Variants in PPP2R2B observed in about 807,000 individuals in gnomAD.
PPP2R2B encodes serine/threonine-protein phosphatase 2A 55 kDa regulatory subunit B beta isoform.
PPP2R2B carries 5 observed loss-of-function variants against 46.0 expected under a neutral mutation model. That is an observed-to-expected ratio of 0.11 (90% CI 0.06 to 0.23). The LOEUF (loss-of-function observed/expected upper bound fraction) is 0.23. Among genes scored for constraint, PPP2R2B ranks in the 10% least tolerant of loss-of-function variants. PPP2R2B has a pLI of 1.00. For missense variants in PPP2R2B, 367 were observed against 575.0 expected (o/e 0.64, Z 3.70); for synonymous variants, 215 against 206.7 (o/e 1.04, Z -0.34).
At chr5:146,788,485 G>A (rs1243028001) in intron 2 of PPP2R2B, among the ~76,000 whole-genome samples, 3 of 152,008 alleles carry the variant, frequency 2.0e-5, no homozygotes, top group African/African-American at 4.8e-5. Flanking sequence ...CTCCCAGCAC[G>A]TTTGGGAGGC....
intron 7 of PPP2R2B, among the ~76,000 whole-genome samples, chr5:146,621,054 G>A (rs1418400234): frequency 6.6e-6 from 1 of 152,222 alleles, no homozygotes; most frequent in Non-Finnish European, 1.5e-5. Flanking sequence ...AGAGCAAGGT[G>A]AGCAGTTCAC....
At chr5:146,856,578 T>C in intron 2 of PPP2R2B, 1 of 1,611,336 alleles carries the variant, frequency 6.2e-7, no homozygotes. Flanking sequence ...GGTTCTCCCT[T>C]GGCTCCTGTG....
intron 1 of PPP2R2B, among the ~76,000 whole-genome samples, chr5:146,935,944 A>G (rs942228598): frequency 1.3e-5 from 2 of 152,166 alleles, no homozygotes; most frequent in South Asian, 2.1e-4. Context: ...CCTTATCTAT[A>G]TAATGGGGAA....
intron 2 of PPP2R2B, among the ~76,000 whole-genome samples, chr5:146,827,170 C>A (rs574346042): frequency 1.1e-4 from 17 of 152,104 alleles, no homozygotes; most frequent in African/African-American, 4.1e-4. Context: ...CTTGGAATAA[C>A]TACAGTAATA....
At chr5:146,758,331 G>T (rs1753960595) in intron 2 of PPP2R2B, among the ~76,000 whole-genome samples, 1 of 152,140 alleles carries the variant, frequency 6.6e-6, no homozygotes, top group Non-Finnish European at 1.5e-5. Context: ...ACAGCTTTGT[G>T]ATCTGGGGCA....
rs1466998445 is a variant in PPP2R2B at position 146,823,076 on chromosome 5, A to C, written c.70+54926T>G. On this transcript the variant is annotated intron_variant, in intron 2 of 9. Transcript: ENST00000394411. ...CCCTCCATGTGAACCAAAAGGTTAC[A>C]CATGCTTCTTCTCCAGTTTGGAGCT... is the stretch of plus-strand genomic sequence containing the variant. Among the ~76,000 whole-genome samples the C allele has an allele frequency of 3.3e-5, 5 of 152,326 alleles. No individual in the cohort carries two copies. The East Asian group carries it at 9.7e-4, about 29-fold the overall frequency.
intron 5 of PPP2R2B, among the ~76,000 whole-genome samples, chr5:146,674,332 C>T (rs322989): frequency 6.6e-6 from 1 of 152,080 alleles, no homozygotes; most frequent in Admixed American, 6.6e-5. Context: ...CACTCTAAAG[C>T]CCTAGACTCT....
At chr5:146,960,500 G>T (rs974216069) in intron 1 of PPP2R2B, among the ~76,000 whole-genome samples, 1 of 152,112 alleles carries the variant, frequency 6.6e-6, no homozygotes, top group South Asian at 2.1e-4. Context: ...ATGTTGGTCA[G>T]GCTGGTCTCA....
At position 146,957,920 on chromosome 5, in the gene PPP2R2B, A is replaced by G. The variant is rs147063764; in HGVS notation, c.79+97745T>C. Among the ~76,000 whole-genome samples the G allele has an allele frequency of 2.0e-5, 3 of 152,266 alleles. No homozygotes were observed. In the East Asian group the frequency reaches 5.8e-4, roughly 29 times the overall value. On this transcript the variant is annotated intron_variant, in intron 1 of 8. Coordinates refer to the PPP2R2B transcript ENST00000336640. ...AATCCTGGAGGAAGAAAATACTATA[A>G]TTACAGCCTATGGTGTTGGCTGCAT... is the stretch of plus-strand genomic sequence containing the variant.
At chr5:146,663,329 GA>G in intron 5 of PPP2R2B, among the ~76,000 whole-genome samples, 1 of 152,260 alleles carries the variant, frequency 6.6e-6, no homozygotes, top group Non-Finnish European at 1.5e-5. Flanking sequence ...CCTGGAGATG[GA>G]ATAAACAACA....
chr5:146,810,728 A>G (rs1036415485), intron 2 of PPP2R2B, among the ~76,000 whole-genome samples: 1 of 150,998 alleles, frequency 6.6e-6, no homozygotes, highest in Non-Finnish European at 1.5e-5. Context: ...TTTAATATAT[A>G]TATTTTTTAT....
At chr5:146,785,574 CAACTT>C (rs1755783368) in intron 2 of PPP2R2B, among the ~76,000 whole-genome samples, 1 of 151,968 alleles carries the variant, frequency 6.6e-6, no homozygotes, top group Non-Finnish European at 1.5e-5. Context: ...AAAACAAAAA[CAACTT>C]AATAGCTTAA....
At chr5:146,709,914 T>G (rs1400633111) in intron 2 of PPP2R2B, among the ~76,000 whole-genome samples, 2 of 152,220 alleles carry the variant, frequency 1.3e-5, no homozygotes, top group Non-Finnish European at 2.9e-5. Context: ...TTGTTTTCCT[T>G]ATAGCACTTT....
chr5:146,760,483 C>G (rs1464264287), intron 2 of PPP2R2B, among the ~76,000 whole-genome samples: 1 of 152,118 alleles, frequency 6.6e-6, no homozygotes, highest in Non-Finnish European at 1.5e-5. Flanking sequence ...AACTCATACT[C>G]TTGCTGGAAA....
intron 2 of PPP2R2B, among the ~76,000 whole-genome samples, chr5:146,709,217 T>C (rs570752066): frequency 2.0e-5 from 3 of 152,238 alleles, no homozygotes; most frequent in African/African-American, 2.4e-5. Flanking sequence ...AAGGGTCCAA[T>C]AGCTCCAAGT....
chr5:146,721,836 G>T (rs983857889), intron 2 of PPP2R2B, among the ~76,000 whole-genome samples: 1 of 152,186 alleles, frequency 6.6e-6, no homozygotes, highest in Non-Finnish European at 1.5e-5. Flanking sequence ...TTGCAGGATA[G>T]GTAGGTACTG....
intron 5 of PPP2R2B, among the ~76,000 whole-genome samples, chr5:146,666,018 G>A (rs940874946): frequency 6.6e-6 from 1 of 152,148 alleles, no homozygotes; most frequent in African/African-American, 2.4e-5. Flanking sequence ...AATAAAACAA[G>A]GTATGGCTGT....
chr5:146,626,319 A>G (rs1398565067), intron 7 of PPP2R2B, among the ~76,000 whole-genome samples: 1 of 152,210 alleles, frequency 6.6e-6, no homozygotes, highest in Non-Finnish European at 1.5e-5. Context: ...TAAAGATTGT[A>G]TGATAAAATT....
intron 2 of PPP2R2B, among the ~76,000 whole-genome samples, chr5:146,791,113 T>A (rs1756172749): frequency 6.6e-6 from 1 of 152,200 alleles, no homozygotes; most frequent in South Asian, 2.1e-4. Flanking sequence ...CCTGTTTCTC[T>A]TCTTGTGTCC....
Sources: gnomAD v4.1 joint callset for allele counts (sites outside exome capture counted in the v4.1 genomes callset) on GRCh38, gnomAD v4.1.1 for gene constraint, MANE v1.5 for transcripts, NCBI Gene and HGNC (gene_info 2026-07-23, HGNC 2026-07-21) for gene names.